Variants in MAGI2 observed in about 807,000 individuals in gnomAD.
The protein encoded by MAGI2 is membrane associated guanylate kinase, WW and PDZ domain containing 2.
MAGI2 carries 35 observed loss-of-function variants against 133.3 expected under a neutral mutation model. That is an observed-to-expected ratio of 0.26 (90% CI 0.20 to 0.35). The LOEUF (loss-of-function observed/expected upper bound fraction) is 0.35, where lower values mean the gene tolerates loss of function less well. MAGI2 is among the 10% of genes least tolerant of loss of function. MAGI2 has a pLI of 1.00. For missense variants in MAGI2, 1,636 were observed against 1,863.4 expected (o/e 0.88, Z 2.25); for synonymous variants, 729 against 710.6 (o/e 1.03, Z -0.41).
At chr7:78,049,448 G>A (rs74952337) in intron 21 of MAGI2, among the ~76,000 whole-genome samples, 2,103 of 152,316 alleles carry the variant, frequency 0.014, 55 homozygotes, top group African/African-American at 0.048. Context: ...CTTGGCTGAT[G>A]TCTATTGTAC....
chr7:78,057,043 G>C (rs532517808), intron 21 of MAGI2, among the ~76,000 whole-genome samples: 56 of 139,834 alleles, frequency 4.0e-4, no homozygotes, highest in Middle Eastern at 3.6e-3. Context: ...TTTTATGAGT[G>C]TGTCTATATA....
chr7:79,392,911 G>A (rs1844775120), intron 1 of MAGI2, among the ~76,000 whole-genome samples: 1 of 152,070 alleles, frequency 6.6e-6, no homozygotes, highest in African/African-American at 2.4e-5. Context: ...TATAGGTGGT[G>A]GAAGAACAAA....
At chr7:79,369,186 A>G (rs1467884975) in intron 1 of MAGI2, among the ~76,000 whole-genome samples, 1 of 152,180 alleles carries the variant, frequency 6.6e-6, no homozygotes, top group African/African-American at 2.4e-5. Context: ...ATAAATACCT[A>G]AAACTTAGAA....
chr7:79,288,349 T>C (rs1836190425), intron 1 of MAGI2, among the ~76,000 whole-genome samples: 1 of 152,208 alleles, frequency 6.6e-6, no homozygotes, highest in Non-Finnish European at 1.5e-5. Context: ...TAAGAAGGTC[T>C]AGGTCATTGT....
intron 3 of MAGI2, among the ~76,000 whole-genome samples, chr7:78,549,492 C>G (rs1034038505): frequency 1.3e-5 from 2 of 152,044 alleles, no homozygotes; most frequent in Non-Finnish European, 2.9e-5. Flanking sequence ...CTGCCTTGAG[C>G]TCTCTTCAGG....
intron 5 of MAGI2, among the ~76,000 whole-genome samples, chr7:78,500,338 A>G (rs901460161): frequency 2.0e-5 from 3 of 152,184 alleles, no homozygotes; most frequent in Non-Finnish European, 4.4e-5. Context: ...TCATATTTTT[A>G]TCCACTGTCA....
In MAGI2 at chr7:79,101,541, G is replaced by T. The variant is rs1005009313; in HGVS notation, c.302-94335C>A. ...AGATCGAGACCATTCTGGCTAACAC[G>T]GTGAAACCCCGTCTCCACTAAAAAT... On this transcript the variant is annotated intron_variant, in intron 1 of 21. Coordinates refer to ENST00000354212, the MANE Select transcript of MAGI2 (RefSeq NM_012301.4). Among the ~76,000 whole-genome samples the T allele has an allele frequency of 3.9e-5, 6 of 152,068 alleles. No individual in the cohort carries two copies. The South Asian group carries it at 1.2e-3, about 32-fold the overall frequency.
chr7:79,056,526 T>C (rs1356596542), intron 1 of MAGI2, among the ~76,000 whole-genome samples: 3 of 152,306 alleles, frequency 2.0e-5, no homozygotes, highest in Middle Eastern at 3.4e-3. Flanking sequence ...CTGTTAGAAT[T>C]CATTCATGTA....
chr7:78,219,562 T>C (rs1788604428), intron 10 of MAGI2, among the ~76,000 whole-genome samples: 1 of 151,492 alleles, frequency 6.6e-6, no homozygotes, highest in Non-Finnish European at 1.5e-5. Flanking sequence ...GCCTTGTCCT[T>C]CCCCCCCACC....
intron 1 of MAGI2, chr7:79,413,804 A>G (rs986491608): frequency 5.5e-4 from 84 of 152,150 alleles, no homozygotes; most frequent in African/African-American, 1.8e-3. Flanking sequence ...AATTTTCTCC[A>G]TGTTGAAACA....
rs144145985 is a variant in MAGI2, at chr7:78,572,231, G to A, written c.539-50586C>T. Among the ~76,000 whole-genome samples the A allele has an allele frequency of 1.7e-3, 260 of 152,242 alleles. 2 individuals are homozygous for A. Among genetic ancestry groups the A allele is most frequent in the African/African-American group, 6.0e-3 (248 of 41,528 alleles). ...TTTTACTAAGCTCCTCAGAGATTAT[G>A]ACTGTTTTAATGCTATTTAATTGAT... On this transcript the variant is annotated intron_variant, in intron 3 of 21. Coordinates refer to ENST00000354212, the MANE Select transcript of MAGI2 (RefSeq NM_012301.4).
chr7:79,081,065 C>A (rs1483788582), intron 1 of MAGI2, among the ~76,000 whole-genome samples: 1 of 152,038 alleles, frequency 6.6e-6, no homozygotes, highest in African/African-American at 2.4e-5. Flanking sequence ...ACAGATATGA[C>A]CCTGCCTACT....
chr7:78,859,337 A>G (rs1330667719), intron 2 of MAGI2, among the ~76,000 whole-genome samples: 9 of 152,058 alleles, frequency 5.9e-5, no homozygotes, highest in Non-Finnish European at 1.3e-4. Context: ...CCTAGCATCG[A>G]TGGTCTTTAC....
At chr7:78,328,164 G>A (rs1788775125) in intron 9 of MAGI2, among the ~76,000 whole-genome samples, 1 of 151,824 alleles carries the variant, frequency 6.6e-6, no homozygotes, top group African/African-American at 2.4e-5. Flanking sequence ...ACCTTTTCTC[G>A]AGGAAATGGC....
rs746940252 is a variant in MAGI2 at position 78,256,588 on chromosome 7, GAAA to G, written c.1409-10_1409-8del. On this transcript the variant is annotated splice_polypyrimidine_tract_variant and splice_region_variant and intron_variant, in intron 9 of 21. Transcript: ENST00000354212. ...ATATAGACAATGACATCACCTGTAAGAAAAAAAGAGATTGACAACATGAGGTAA... is the reference window on the plus strand; with the variant it reads ...ATATAGACAATGACATCACCTGTAAGAAAAGAGATTGACAACATGAGGTAA... 2 of 1,595,246 alleles carry G rather than the reference GAAA, an allele frequency of 1.3e-6. No individual in the cohort carries two copies. Among genetic ancestry groups the G allele is most frequent in the African/African-American group, 1.4e-5 (1 of 73,418 alleles).
intron 1 of MAGI2, among the ~76,000 whole-genome samples, chr7:79,396,506 T>A (rs1464226737): frequency 3.3e-5 from 5 of 152,184 alleles, no homozygotes; most frequent in African/African-American, 1.2e-4. Context: ...ACAACATTTT[T>A]AACATAATAT....
At chr7:79,370,193 T>C (rs1197826660) in intron 1 of MAGI2, among the ~76,000 whole-genome samples, 1 of 152,134 alleles carries the variant, frequency 6.6e-6, no homozygotes, top group African/African-American at 2.4e-5. Context: ...TGTACATATG[T>C]CCAAATAGAC....
At chr7:79,200,767 A>C (rs1172176889) in intron 1 of MAGI2, among the ~76,000 whole-genome samples, 1 of 151,948 alleles carries the variant, frequency 6.6e-6, no homozygotes, top group Non-Finnish European at 1.5e-5. Flanking sequence ...ACTAAAGCCC[A>C]AGCCTCTGAC....
chr7:78,436,904 G>T (rs2151445246), intron 6 of MAGI2, among the ~76,000 whole-genome samples: 1 of 152,254 alleles, frequency 6.6e-6, no homozygotes, highest in East Asian at 1.9e-4. Flanking sequence ...TCCACTGCAG[G>T]GGGATGGAAA....
Sources: allele counts gnomAD v4.1 joint callset (sites outside exome capture counted in the v4.1 genomes callset), GRCh38; gene constraint gnomAD v4.1.1; transcripts MANE v1.5; gene names NCBI Gene and HGNC (gene_info 2026-07-23, HGNC 2026-07-21).